The following CAPN13 variants were observed in gnomAD, a reference collection of about 807,000 sequenced individuals.
CAPN13 encodes calpain-13.
A neutral mutation model predicts 98.4 loss-of-function variants in CAPN13; 90 were observed. The observed-to-expected ratio is 0.92, with a 90% CI of 0.77 to 1.09. The LOEUF is 1.09. Ranked by LOEUF, CAPN13 falls within the 50% of genes least tolerant of loss-of-function variation. CAPN13 has a pLI of 0.00. For missense variants in CAPN13, 887 were observed against 841.3 expected, an observed-to-expected ratio of 1.05 and a Z score of -0.67; for synonymous variants, 330 against 305.5, an observed-to-expected ratio of 1.08 and a Z score of -0.84.
At chr2:30,744,642 C>G (rs1291266209) in intron 12 of CAPN13, among the ~76,000 whole-genome samples, 5 of 152,180 alleles carry the variant, frequency 3.3e-5, no homozygotes, top group Non-Finnish European at 1.5e-5. Flanking sequence ...CCTGCTCCCT[C>G]TGTTGACCCC....
At chr2:30,762,920 G>C (rs1393716913) in intron 7 of CAPN13, among the ~76,000 whole-genome samples, 162 bp downstream of exon 7, 1 of 152,176 alleles carries the variant, frequency 6.6e-6, no homozygotes, top group Non-Finnish European at 1.5e-5. Flanking sequence ...TGAACAGAAG[G>C]AGCTGAGGCT....
At chr2:30,770,034 A>G (rs982223392) in intron 5 of CAPN13, among the ~76,000 whole-genome samples, 5 of 152,208 alleles carry the variant, frequency 3.3e-5, no homozygotes, top group African/African-American at 4.8e-5. Context: ...TTTGACCGTG[A>G]TATTATTAAA....
intron 15 of CAPN13, 115 bp downstream of exon 15, chr2:30,741,793 G>A: frequency 6.4e-7 from 1 of 1,555,886 alleles, no homozygotes; most frequent in Non-Finnish European, 8.7e-7. Context: ...AGGTAAAATA[G>A]TCCATCAAGT....
intron 5 of CAPN13, among the ~76,000 whole-genome samples, chr2:30,765,409 G>C (rs1003491040): frequency 6.6e-6 from 1 of 152,202 alleles, no homozygotes; most frequent in Non-Finnish European, 1.5e-5. Context: ...CCTGTCCCCG[G>C]TGAGCAGGCA....
chr2:30,760,269 T>C (rs1672775771), intron 7 of CAPN13, among the ~76,000 whole-genome samples: 1 of 152,186 alleles, frequency 6.6e-6, no homozygotes, highest in South Asian at 2.1e-4. Flanking sequence ...GTATTTTTAG[T>C]AGAGACGGGG....
chr2:30,727,879 T>C (rs576342437), intron 22 of CAPN13, among the ~76,000 whole-genome samples: 21 of 152,054 alleles, frequency 1.4e-4, no homozygotes, highest in African/African-American at 4.8e-4. Flanking sequence ...GGATTATTAA[T>C]GACAGTCAAA....
At chr2:30,725,706 C>T (rs1670836228) in intron 22 of CAPN13, among the ~76,000 whole-genome samples, 1 of 152,320 alleles carries the variant, frequency 6.6e-6, no homozygotes, top group African/African-American at 2.4e-5. Context: ...ATAAAAGTCT[C>T]TTTGCTGACC....
At chr2:30,764,659 G>C (rs567116138) in intron 5 of CAPN13, among the ~76,000 whole-genome samples, 1 of 152,248 alleles carries the variant, frequency 6.6e-6, no homozygotes, top group East Asian at 1.9e-4. Context: ...GCTTCATGGG[G>C]CTATGTTCCA....
chr2:30,734,422 A>C, intron 19 of CAPN13, 27 bp downstream of exon 19: 1 of 1,596,740 alleles, frequency 6.3e-7, no homozygotes, highest in African/African-American at 1.3e-5. Context: ...GACCTTGGGC[A>C]CCACAGCTCC....
intron 1 of CAPN13, among the ~76,000 whole-genome samples, chr2:30,798,847 G>A (rs1236987667): frequency 6.6e-6 from 1 of 152,146 alleles, no homozygotes; most frequent in East Asian, 1.9e-4. Context: ...AACTAACAGA[G>A]CTTGAAGGCT....
intron 1 of CAPN13, among the ~76,000 whole-genome samples, chr2:30,800,056 A>G (rs908170565): frequency 6.6e-6 from 1 of 151,642 alleles, no homozygotes; most frequent in Non-Finnish European, 1.5e-5. Flanking sequence ...CCTGGGCTAC[A>G]GAGTGAGACT....
chr2:30,775,896 CATCATATA>C (rs746720758), intron 4 of CAPN13, 26 bp downstream of exon 4: 1 of 1,498,270 alleles, frequency 6.7e-7, no homozygotes, highest in Non-Finnish European at 9.2e-7. Flanking sequence ...CAGAGAACCC[CATCATATA>C]ATGAGCGCTG....
intron 22 of CAPN13, among the ~76,000 whole-genome samples, chr2:30,727,760 T>C (rs980044429): frequency 1.3e-5 from 2 of 152,066 alleles, no homozygotes; most frequent in African/African-American, 4.8e-5. Context: ...TCCTCAAAAA[T>C]TTACAAATAG....
intron 2 of CAPN13, among the ~76,000 whole-genome samples, chr2:30,780,197 A>C (rs1216787820): frequency 6.6e-6 from 1 of 152,226 alleles, no homozygotes; most frequent in African/African-American, 2.4e-5. Flanking sequence ...TTTTCCTCTG[A>C]GTTCCCTCAA....
intron 10 of CAPN13, 47 bp from the exon 11 acceptor site, chr2:30,751,298 C>G: frequency 1.2e-6 from 2 of 1,604,364 alleles, no homozygotes; most frequent in African/African-American, 2.7e-5. Flanking sequence ...ACTCCTGGGA[C>G]TCCTGGGCAG....
intron 7 of CAPN13, among the ~76,000 whole-genome samples, chr2:30,758,946 C>CGTT (rs1672639620): frequency 7.4e-6 from 1 of 134,920 alleles, no homozygotes; most frequent in African/African-American, 2.8e-5. Context: ...CCCTCCCTCC[C>CGTT]TTTCTTCCCT....
At chr2:30,773,340 T>A (rs1673511440) in intron 4 of CAPN13, among the ~76,000 whole-genome samples, 1 of 150,950 alleles carries the variant, frequency 6.6e-6, no homozygotes, top group African/African-American at 2.5e-5. Flanking sequence ...AACTCTCACA[T>A]ATTCTGAGGA....
At position 30,753,021 on chromosome 2, in the gene CAPN13, T is replaced by G. The variant is rs569358593; in HGVS notation, c.1087+32A>C. 8 of 1,611,754 alleles carry G rather than the reference T, an allele frequency of 5.0e-6. No homozygotes were observed. In the South Asian group the frequency reaches 7.7e-5, roughly 16 times the overall value. On this transcript the variant is annotated intron_variant, in intron 10 of 22. Transcript: ENST00000295055. ...CTGGGCTGGGGCAGCCAGCTTCCAG[T>G]TGGGCAGTGTGACCACCAGCGTCAT...
At chr2:30,774,760 C>T (rs1484998940) in intron 4 of CAPN13, among the ~76,000 whole-genome samples, 1 of 152,110 alleles carries the variant, frequency 6.6e-6, no homozygotes, top group East Asian at 1.9e-4. Context: ...TCTCATTATT[C>T]TACTTACTTC....
Sources: allele counts gnomAD v4.1 joint callset (sites outside exome capture counted in the v4.1 genomes callset), GRCh38; gene constraint gnomAD v4.1.1; transcripts MANE v1.5; gene names NCBI Gene and HGNC (gene_info 2026-07-23, HGNC 2026-07-21).